Variants in PCDHA1 observed in about 807,000 individuals in gnomAD.
PCDHA1 encodes protocadherin alpha 1.
Under a neutral mutation model 61.3 loss-of-function variants are expected in PCDHA1, and 42 were observed. The observed-to-expected ratio is 0.69, with a 90% CI of 0.54 to 0.89. PCDHA1 has a LOEUF of 0.89. Among genes scored for constraint, PCDHA1 ranks in the 40% least tolerant of loss-of-function variants. PCDHA1 has a pLI of 0.00. For synonymous variants in PCDHA1, 610 were observed against 553.8 expected (o/e 1.10, Z -1.43); for missense variants, 1,256 against 1,235.3 (o/e 1.02, Z -0.25).
intron 1 of PCDHA1, among the ~76,000 whole-genome samples, chr5:140,971,291 C>T (rs541777110): frequency 1.1e-4 from 17 of 152,164 alleles, no homozygotes; most frequent in Admixed American, 3.3e-4. Flanking sequence ...TTAATATGTA[C>T]TTTGGTACAC....
chr5:140,793,498 C>G (rs1554118945), intron 1 of PCDHA1, among the ~76,000 whole-genome samples: 1 of 152,190 alleles, frequency 6.6e-6, no homozygotes, highest in African/African-American at 2.4e-5. Flanking sequence ...AAAAAGCTAG[C>G]TTTTCTTAAC....
At chr5:140,953,228 G>C (rs2094861370) in intron 1 of PCDHA1, among the ~76,000 whole-genome samples, 2 of 152,124 alleles carry the variant, frequency 1.3e-5, no homozygotes, top group African/African-American at 4.8e-5. Context: ...CTTCTGCTTG[G>C]TAGCAGTTCA....
chr5:140,870,472 C>G (rs782403878), intron 1 of PCDHA1: 4 of 1,614,240 alleles, frequency 2.5e-6, no homozygotes, highest in South Asian at 1.1e-5. Flanking sequence ...GTTCGCACAG[C>G]CCGAGTACAC....
chr5:140,876,774 G>A lies in PCDHA1; in HGVS notation c.2394+88090G>A, dbSNP rs370558767. 5.3e-5 allele frequency: 85 copies of A among 1,614,110 alleles called. No homozygotes were observed. The South Asian group carries it at 8.5e-4, about 16-fold the overall frequency. ...CTGCGCGGGATGGGGGCTCGCCTTC[G>A]CTGTGGGCCACGGCTAGAGTGTCCG... is the stretch of plus-strand genomic sequence containing the variant. On this transcript the variant is annotated intron_variant, in intron 1 of 3. Coordinates refer to ENST00000504120, the MANE Select transcript of PCDHA1 (RefSeq NM_018900.4).
rs1167461963 is a variant in PCDHA1 at position 140,968,386 on chromosome 5, G to A, written c.2395-10563G>A. 2.5e-6 allele frequency: 4 copies of A among 1,613,910 alleles called. No homozygotes were observed. The African/African-American group carries it at 4.0e-5, about 16-fold the overall frequency. On this transcript the variant is annotated intron_variant, in intron 1 of 3. Transcript: ENST00000504120. ...ATGCTGTCAACTCCTTTGACTATGA[G>A]AAGTTTCGGGAGTTCTTTGTGACTG...
At chr5:140,924,837 G>A (rs1310509638) in intron 1 of PCDHA1, among the ~76,000 whole-genome samples, 2 of 151,426 alleles carry the variant, frequency 1.3e-5, no homozygotes, top group African/African-American at 4.9e-5. Flanking sequence ...GGAGGTTGCA[G>A]GGAGCTCAGA....
intron 1 of PCDHA1, among the ~76,000 whole-genome samples, chr5:140,915,981 C>T (rs11167655): frequency 0.33 from 49,706 of 151,966 alleles, 8,424 homozygotes; most frequent in East Asian, 0.53. Flanking sequence ...TATTTGACTA[C>T]GGCTAAGCTG....
chr5:140,787,105 G>A lies in PCDHA1; in HGVS notation c.815G>A (p.Gly272Asp). Residue 272 changes from glycine to aspartate, a missense_variant, in exon 1 of 4, where the codon GGT (glycine) becomes GAT (aspartate). Physicochemically the swap from Gly to Asp is moderately conservative, Grantham distance 94. Transcript: ENST00000504120. The part of the protein sequence containing the change: ...TTLNASDADE[G>D]VNGEVVFSFD... ...TTAAATGCCTCTGATGCTGACGAAG[G>A]TGTAAATGGTGAAGTCGTCTTTTCC... is the stretch of plus-strand genomic sequence containing the variant. The A allele has an allele frequency of 5.6e-6, 9 of 1,614,192 alleles. No homozygotes were observed. The highest frequency in any genetic ancestry group is 5.9e-6 in the Non-Finnish European group (7 of 1,180,026).
intron 1 of PCDHA1, chr5:140,876,569 G>C (rs1554168675): frequency 6.2e-7 from 1 of 1,614,186 alleles, no homozygotes; most frequent in Admixed American, 1.7e-5. Flanking sequence ...GCTCAGGTGG[G>C]TACCGTCATT....
At chr5:140,823,772 T>C in intron 1 of PCDHA1, 1 of 1,613,812 alleles carries the variant, frequency 6.2e-7, no homozygotes, top group Non-Finnish European at 8.5e-7. Context: ...ACAGTGCTGG[T>C]GTCGCTGGTG....
Position 141,000,361 on chromosome 5 carries a change from G to GTCTCTCTC in PCDHA1, c.2543-9238_2543-9231dup, listed in dbSNP as rs148596731. 4.9e-4 allele frequency among the ~76,000 whole-genome samples: 13 copies of GTCTCTCTC among 26,444 alleles called. No individual in the cohort carries two copies. In the East Asian group the frequency reaches 6.3e-3, roughly 13 times the overall value. The allele number at this position is 26,444 out of a possible 152,430, so 17.3% of individuals were successfully genotyped here. A position where few individuals can be genotyped will look rare whatever the true frequency, so the allele number is the denominator to read the frequency against. ...CCTATCTCTCTCTCTGTCTCTCTCT[G>GTCTCTCTC]TCTCTCTCTCTCTCTCTCTCTCTCT... is the stretch of plus-strand genomic sequence containing the variant. On this transcript the variant is annotated intron_variant, in intron 3 of 3. Coordinates refer to ENST00000504120, the MANE Select transcript of PCDHA1 (RefSeq NM_018900.4).
At chr5:140,808,749 A>C (rs1764254328) in intron 1 of PCDHA1, 1 of 1,612,168 alleles carries the variant, frequency 6.2e-7, no homozygotes, top group Non-Finnish European at 8.5e-7. Context: ...TACGCGCTGC[A>C]GCCGCTGGAC....
chr5:140,882,331 C>A, intron 1 of PCDHA1: 1 of 1,614,214 alleles, frequency 6.2e-7, no homozygotes, highest in South Asian at 1.1e-5. Context: ...TTCTGATCCT[C>A]GCAGCCTGGG....
chr5:140,797,538 T>A (rs1369305730), intron 1 of PCDHA1: 23 of 752,924 alleles, frequency 3.1e-5, no homozygotes, highest in Non-Finnish European at 4.5e-5. Flanking sequence ...ACAATCTACA[T>A]AACTGTTTTC....
intron 1 of PCDHA1, among the ~76,000 whole-genome samples, chr5:140,976,508 G>A (rs1039409709): frequency 6.6e-6 from 1 of 151,976 alleles, no homozygotes; most frequent in Non-Finnish European, 1.5e-5. Context: ...CCAAGATCGC[G>A]CCACTGCACA....
chr5:140,858,160 G>A, intron 1 of PCDHA1: 1 of 1,597,718 alleles, frequency 6.3e-7, no homozygotes, highest in Non-Finnish European at 8.6e-7. Flanking sequence ...CCATCTGCGC[G>A]GTGTCCAGCT....
rs1448564423 is a variant in PCDHA1 at position 140,841,223 on chromosome 5, A to G, written c.2394+52539A>G. 4.8e-6 allele frequency: 7 copies of G among 1,448,108 alleles called. No homozygotes were observed. In the Admixed American group the frequency reaches 6.8e-5, roughly 14 times the overall value. The allele number at this position is 1,448,108 out of a possible 1,614,324, so 89.7% of individuals were successfully genotyped here. ...CAGCATCTGTCTCTAAAGGCCGAAC[A>G]ACGGGAGATGCAGCGGAATTGGATT... is the stretch of plus-strand genomic sequence containing the variant. On this transcript the variant is annotated intron_variant, in intron 1 of 3. Transcript: ENST00000504120.
rs2150409803 is a variant in PCDHA1, at chr5:140,848,387, C to G, written c.2394+59703C>G. The G allele has an allele frequency of 1.0e-3, 1,245 of 1,223,718 alleles. 70 individuals are homozygous for G. In the African/African-American group the frequency reaches 0.017, roughly 16 times the overall value. 75.8% of individuals were successfully genotyped at this position (1,223,718 alleles called of 1,614,324 possible). On this transcript the variant is annotated intron_variant, in intron 1 of 3. Coordinates refer to ENST00000504120, the MANE Select transcript of PCDHA1 (RefSeq NM_018900.4). The stretch of plus-strand genomic sequence containing the variant: ...AAGAGGCTCAATTCTTTTTCACTCT[C>G]TCTGTGCTGAACGATGGCGAACACA...
intron 1 of PCDHA1, chr5:140,863,421 C>A (rs564217392): frequency 7.2e-6 from 5 of 689,680 alleles, no homozygotes; most frequent in Admixed American, 1.9e-5. Context: ...TGTACCGCAG[C>A]GTAGTGGGAT....
Sources: gnomAD v4.1 joint callset for allele counts (sites outside exome capture counted in the v4.1 genomes callset) on GRCh38, gnomAD v4.1.1 for gene constraint, MANE v1.5 for transcripts, NCBI Gene and HGNC (gene_info 2026-07-23, HGNC 2026-07-21) for gene names.